Variants in CEP170 observed in about 807,000 individuals in gnomAD.
The protein encoded by CEP170 is centrosomal protein 170.
CEP170 carries 21 observed loss-of-function variants against 151.9 expected under a neutral mutation model. The observed-to-expected ratio is 0.14, with a 90% confidence interval of 0.10 to 0.20. CEP170 has a LOEUF of 0.20. Ranked by LOEUF, CEP170 falls within the 10% of genes least tolerant of loss-of-function variation. The pLI, the probability that CEP170 is intolerant of heterozygous loss-of-function variation, is 1.00. For missense variants in CEP170, 964 were observed against 1,892.9 expected (o/e 0.51, Z 9.11); for synonymous variants, 356 against 648.8 (o/e 0.55, Z 6.86).
intron 8 of CEP170, among the ~76,000 whole-genome samples, chr1:243,190,230 A>G (rs2060223548): frequency 1.3e-5 from 2 of 152,190 alleles, no homozygotes; most frequent in Admixed American, 1.3e-4. Context: ...ATTTGTTCAA[A>G]ATCGTTTTCC....
intron 3 of CEP170, among the ~76,000 whole-genome samples, chr1:243,214,067 C>A (rs1445716123): frequency 2.0e-5 from 3 of 152,240 alleles, no homozygotes; most frequent in African/African-American, 4.8e-5. Flanking sequence ...TCTTTTTTCA[C>A]ATCTGTGTTC....
At chr1:243,137,470 C>G (rs2055232951) in intron 16 of CEP170, among the ~76,000 whole-genome samples, 1 of 152,162 alleles carries the variant, frequency 6.6e-6, no homozygotes, top group African/African-American at 2.4e-5. Flanking sequence ...AATTTTGGGA[C>G]TCAGTGCTGC....
In CEP170 at chr1:243,186,001, C is replaced by T. The variant is rs1558531636; in HGVS notation, c.1344G>A (p.Glu448=). ...GTAGGAAGGGTATTGACACCGATGGCTCCTCTGATTTCTGTTTTAACAATT... is the reference window on the plus strand; with the variant it reads ...GTAGGAAGGGTATTGACACCGATGGTTCCTCTGATTTCTGTTTTAACAATT... ...HGKLLKQKSE[E]PSVSIPFLQT... Residue 448 remains glutamate (E), a synonymous_variant, in exon 10 of 20, where the codon GAG becomes GAA. Coordinates refer to ENST00000366542, the MANE Select transcript of CEP170 (RefSeq NM_014812.3). 1 of 1,613,754 alleles carries T rather than the reference C, an allele frequency of 6.2e-7. No homozygotes were observed. The highest frequency in any genetic ancestry group is 2.2e-5 in the East Asian group (1 of 44,880).
chr1:243,242,935 G>A (rs376672501), intron 1 of CEP170, among the ~76,000 whole-genome samples: 3 of 152,014 alleles, frequency 2.0e-5, no homozygotes, highest in Non-Finnish European at 2.9e-5. Flanking sequence ...CCCGACCTCC[G>A]GTGATTCACC....
At chr1:243,140,695 T>C (rs1157780745) in intron 15 of CEP170, 1 of 152,222 alleles carries the variant, frequency 6.6e-6, no homozygotes, top group South Asian at 2.1e-4. Context: ...CCATCTATAG[T>C]GCAAATCACA....
At chr1:243,153,589 T>C (rs1002355064) in intron 14 of CEP170, among the ~76,000 whole-genome samples, 2 of 152,182 alleles carry the variant, frequency 1.3e-5, no homozygotes, top group African/African-American at 4.8e-5. Context: ...AACAAAAAGC[T>C]GATGACTTAC....
chr1:243,252,755 A>C (rs2066057872), intron 1 of CEP170, among the ~76,000 whole-genome samples: 1 of 152,178 alleles, frequency 6.6e-6, no homozygotes, highest in Non-Finnish European at 1.5e-5. Context: ...ATTTAGTTAC[A>C]GATTTTTAAA....
At chr1:243,253,736 C>T (rs567527272) in intron 1 of CEP170, among the ~76,000 whole-genome samples, 68 of 152,270 alleles carry the variant, frequency 4.5e-4, no homozygotes, top group African/African-American at 1.6e-3. Context: ...CCTCCCCATC[C>T]TGCTTTATTC....
At chr1:243,248,310 G>GT (rs2065613613) in intron 1 of CEP170, among the ~76,000 whole-genome samples, 1 of 152,140 alleles carries the variant, frequency 6.6e-6, no homozygotes, top group African/African-American at 2.4e-5. Context: ...ACACTCTTCA[G>GT]TTTCCTCACA....
intron 13 of CEP170, among the ~76,000 whole-genome samples, chr1:243,159,849 C>T (rs1420239287): frequency 3.3e-5 from 5 of 150,524 alleles, no homozygotes; most frequent in African/African-American, 7.3e-5. Context: ...AGGGCAATGG[C>T]GCCATCTTGG....
chr1:243,221,678 A>G, intron 3 of CEP170, 46 bp downstream of exon 3: 1 of 1,517,930 alleles, frequency 6.6e-7, no homozygotes, highest in Non-Finnish European at 8.9e-7. Flanking sequence ...TTCTTACAAT[A>G]TTAAACAAAT....
At chr1:243,148,040 A>G (rs1454107444) in intron 14 of CEP170, among the ~76,000 whole-genome samples, 1 of 152,108 alleles carries the variant, frequency 6.6e-6, no homozygotes, top group South Asian at 2.1e-4. Context: ...TTAGCCAGGC[A>G]TGGTGGCATG....
rs981531789 is a variant in CEP170 at position 243,125,327 on chromosome 1, G to A, written c.*1122C>T. On this transcript the variant is annotated 3_prime_UTR_variant, in exon 20 of 20. Coordinates refer to ENST00000366542, the MANE Select transcript of CEP170 (RefSeq NM_014812.3). ...GCACAGGCCAAAGGCCTTTGTCGTCGTCTTGCAGGGTCCTTATAAATGTGT... is the reference window on the plus strand; with the variant it reads ...GCACAGGCCAAAGGCCTTTGTCGTCATCTTGCAGGGTCCTTATAAATGTGT... 2 of 152,652 alleles carry A rather than the reference G, an allele frequency of 1.3e-5. No homozygotes were observed. The highest frequency in any genetic ancestry group is 2.9e-5 in the Non-Finnish European group (2 of 68,044). 9.5% of individuals were successfully genotyped at this position (152,652 alleles called of 1,614,324 possible). A position where few individuals can be genotyped will look rare whatever the true frequency, so the allele number is the denominator to read the frequency against.
intron 10 of CEP170, among the ~76,000 whole-genome samples, chr1:243,183,872 G>A (rs1449022678): frequency 1.3e-5 from 2 of 152,170 alleles, no homozygotes; most frequent in Non-Finnish European, 2.9e-5. Flanking sequence ...TGATGCTTAT[G>A]ATAATTGTAG....
chr1:243,216,841 A>T (rs1485128514), intron 3 of CEP170, among the ~76,000 whole-genome samples: 4 of 152,224 alleles, frequency 2.6e-5, no homozygotes, highest in Admixed American at 6.5e-5. Flanking sequence ...TATAAACTCT[A>T]ACTTCAGGTT....
At chr1:243,127,195 T>C (rs531792934) in intron 19 of CEP170, among the ~76,000 whole-genome samples, 11 of 152,252 alleles carry the variant, frequency 7.2e-5, no homozygotes, top group South Asian at 2.1e-4. Context: ...AATGCTACCA[T>C]AGAATACGGT....
intron 1 of CEP170, among the ~76,000 whole-genome samples, chr1:243,236,721 T>C (rs1435492261): frequency 6.6e-6 from 1 of 152,098 alleles, no homozygotes; most frequent in Non-Finnish European, 1.5e-5. Context: ...TGTCAGATCA[T>C]AGAGCACTAG....
At chr1:243,206,709 TG>T (rs1420153279) in intron 4 of CEP170, among the ~76,000 whole-genome samples, 2 of 152,252 alleles carry the variant, frequency 1.3e-5, no homozygotes, top group East Asian at 3.8e-4. Context: ...CCTCTTTAAA[TG>T]ACAATTGACT....
intron 3 of CEP170, among the ~76,000 whole-genome samples, chr1:243,221,234 A>G (rs1368696750): frequency 1.3e-5 from 2 of 152,188 alleles, no homozygotes; most frequent in East Asian, 3.8e-4. Flanking sequence ...CGTGTTAGCC[A>G]GGATGGTCTG....
Sources: gnomAD v4.1 joint callset for allele counts (sites outside exome capture counted in the v4.1 genomes callset) on GRCh38, gnomAD v4.1.1 for gene constraint, MANE v1.5 for transcripts, NCBI Gene and HGNC (gene_info 2026-07-23, HGNC 2026-07-21) for gene names.